The following SAMD5 variants were observed in gnomAD, a reference collection of about 807,000 sequenced individuals.
SAMD5 encodes the protein sterile alpha motif domain containing 5.
SAMD5 carries 13 observed loss-of-function variants against 11.3 expected under a neutral mutation model. The observed-to-expected ratio is 1.15, with a 90% CI of 0.75 to 1.83. The LOEUF is 1.83. Among genes scored for constraint, SAMD5 ranks in the 40% most tolerant of loss-of-function variants. The pLI, the probability that SAMD5 is intolerant of heterozygous loss-of-function variation, is 0.00. For synonymous variants in SAMD5, 129 were observed against 111.3 expected, an observed-to-expected ratio of 1.16 and a Z score of -1.00; for missense variants, 255 against 239.1, an observed-to-expected ratio of 1.07 and a Z score of -0.44.
chr6:147,801,326 C>T, the SAMD5 span, among the ~76,000 whole-genome samples: 137 of 152,034 alleles, frequency 9.0e-4, 1 homozygote, highest in African/African-American at 2.9e-3. Context: ...CCACTTGTGC[C>T]TGTCAGTCTG....
intron 1 of SAMD5, among the ~76,000 whole-genome samples, chr6:147,660,476 G>C (rs745863975): frequency 7.2e-5 from 11 of 152,162 alleles, no homozygotes; most frequent in Non-Finnish European, 1.0e-4. Flanking sequence ...CCCCATTATA[G>C]TCCTTTAGGC....
chr6:147,951,262 A>G, the SAMD5 span, among the ~76,000 whole-genome samples: 1 of 150,822 alleles, frequency 6.6e-6, no homozygotes, highest in Admixed American at 6.6e-5. Flanking sequence ...GCTCACTGCA[A>G]GCTCCGCCTT....
At chr6:147,842,400 A>G in the SAMD5 span, among the ~76,000 whole-genome samples, 1 of 142,232 alleles carries the variant, frequency 7.0e-6, no homozygotes, top group African/African-American at 2.6e-5. Flanking sequence ...TGGACAAGAA[A>G]TGTATTTCTT....
chr6:147,827,281 C>T, the SAMD5 span, among the ~76,000 whole-genome samples: 1 of 151,182 alleles, frequency 6.6e-6, no homozygotes, highest in African/African-American at 2.4e-5. Context: ...TTGTTCGTTG[C>T]ACACACATAT....
Position 147,715,306 on chromosome 6 carries a change from T to G in SAMD5, c.163-22011T>G, listed in dbSNP as rs553068059. 1.1e-4 allele frequency among the ~76,000 whole-genome samples: 17 copies of G among 152,318 alleles called. No individual in the cohort carries two copies. The East Asian group carries it at 2.1e-3, about 19-fold the overall frequency. On this transcript the variant is annotated intron_variant, in intron 1 of 1. Coordinates refer to the SAMD5 transcript ENST00000566741. Reference sequence around the variant, plus strand: ...GAGAGTGAGCATGGGCTCCAAACACTGTGCACAGCCAGGCACACTGGTGGA... The same window carrying G: ...GAGAGTGAGCATGGGCTCCAAACACGGTGCACAGCCAGGCACACTGGTGGA...
chr6:147,612,803 TC>T (rs2128449284), intron 1 of SAMD5, among the ~76,000 whole-genome samples: 1 of 152,340 alleles, frequency 6.6e-6, no homozygotes, highest in East Asian at 1.9e-4. Flanking sequence ...TAAGCTCCTT[TC>T]TTCATTTTAT....
intron 1 of SAMD5, among the ~76,000 whole-genome samples, chr6:147,638,522 G>A (rs1033591883): frequency 3.3e-5 from 5 of 152,178 alleles, no homozygotes; most frequent in Admixed American, 1.3e-4. Context: ...GTGTGTGATC[G>A]TGTTGATGTT....
intron 1 of SAMD5, among the ~76,000 whole-genome samples, chr6:147,623,119 A>G (rs762747241): frequency 6.6e-6 from 1 of 152,220 alleles, no homozygotes; most frequent in Non-Finnish European, 1.5e-5. Context: ...ACATTCTTGG[A>G]CAGACCATCT....
chr6:147,790,794 C>T, the SAMD5 span, among the ~76,000 whole-genome samples: 193 of 98,760 alleles, frequency 2.0e-3, no homozygotes, highest in African/African-American at 4.9e-3. Context: ...CTCTCTCTCT[C>T]TCTCTCTCTC....
the SAMD5 span, among the ~76,000 whole-genome samples, chr6:147,869,807 C>T: frequency 6.6e-6 from 1 of 152,026 alleles, no homozygotes; most frequent in Non-Finnish European, 1.5e-5. Context: ...AAGGGATCTT[C>T]CCACTTCAGA....
intron 1 of SAMD5, among the ~76,000 whole-genome samples, chr6:147,649,867 C>T (rs771994664): frequency 2.0e-5 from 3 of 151,254 alleles, no homozygotes; most frequent in Non-Finnish European, 4.4e-5. Flanking sequence ...GAACATGGCT[C>T]AGTGACCGCT....
chr6:147,884,057 G>A, the SAMD5 span, among the ~76,000 whole-genome samples: 3 of 151,998 alleles, frequency 2.0e-5, no homozygotes, highest in Non-Finnish European at 2.9e-5. Context: ...TTCTATAGTC[G>A]TTTTTGGGTT....
At chr6:147,629,735 C>T (rs945466361) in intron 1 of SAMD5, among the ~76,000 whole-genome samples, 10 of 152,096 alleles carry the variant, frequency 6.6e-5, no homozygotes, top group Admixed American at 6.5e-4. Context: ...ACTGTTATCC[C>T]TAGATAACAT....
chr6:147,570,259 T>G (rs1441426969), downstream of SAMD5, among the ~76,000 whole-genome samples: 1 of 152,170 alleles, frequency 6.6e-6, no homozygotes, highest in Non-Finnish European at 1.5e-5. Context: ...GTGAGTATGT[T>G]GTCGCCTTCT....
chr6:147,664,733 A>G (rs1318216734), intron 1 of SAMD5, among the ~76,000 whole-genome samples: 2 of 152,194 alleles, frequency 1.3e-5, no homozygotes, highest in African/African-American at 2.4e-5. Flanking sequence ...AATTGAATAT[A>G]TATTTATAAT....
chr6:147,885,772 T>A, the SAMD5 span, among the ~76,000 whole-genome samples: 1 of 152,104 alleles, frequency 6.6e-6, no homozygotes, highest in South Asian at 2.1e-4. Context: ...GTGGGAGAAA[T>A]CCTTGGAGCA....
At chr6:147,886,568 G>A in the SAMD5 span, among the ~76,000 whole-genome samples, 5 of 152,104 alleles carry the variant, frequency 3.3e-5, 1 homozygote, top group Admixed American at 2.0e-4. Flanking sequence ...ATAGGGCAAA[G>A]GTGATGGGAG....
chr6:147,909,175 C>A, the SAMD5 span, among the ~76,000 whole-genome samples: 4 of 152,186 alleles, frequency 2.6e-5, no homozygotes, highest in Admixed American at 6.5e-5. Flanking sequence ...CGCCACCACA[C>A]GCCAGCCTAG....
chr6:147,899,195 A>G, the SAMD5 span, among the ~76,000 whole-genome samples: 1 of 149,060 alleles, frequency 6.7e-6, no homozygotes, highest in South Asian at 2.1e-4. Context: ...AAAAAAAAAG[A>G]TAACGTGTCA....
Sources: gnomAD v4.1 joint callset for allele counts (sites outside exome capture counted in the v4.1 genomes callset) on GRCh38, gnomAD v4.1.1 for gene constraint, MANE v1.5 for transcripts, NCBI Gene and HGNC (gene_info 2026-07-23, HGNC 2026-07-21) for gene names.